FMNL2: variants seen among roughly 807,000 people sequenced by gnomAD.
The protein encoded by FMNL2 is formin-like protein 2.
In FMNL2, 51 loss-of-function variants were observed where a neutral mutation model predicts 130.2. The ratio of observed to expected loss-of-function variants is 0.39; its 90% CI spans 0.31 to 0.49. The LOEUF is 0.49. FMNL2 is among the 20% of genes least tolerant of loss of function. FMNL2 has a pLI of 0.85. For synonymous variants in FMNL2, 465 were observed against 467.1 expected (o/e 1.00, Z 0.06); for missense variants, 977 against 1,316.2 (o/e 0.74, Z 3.99).
intron 1 of FMNL2, among the ~76,000 whole-genome samples, chr2:152,366,456 T>A (rs923441905): frequency 1.9e-4 from 26 of 136,138 alleles, no homozygotes; most frequent in East Asian, 1.4e-3. Context: ...AAAAAATAAA[T>A]AAAATTTAAA....
At chr2:152,595,639 G>A (rs1329278446) in intron 9 of FMNL2, among the ~76,000 whole-genome samples, 3 of 152,080 alleles carry the variant, frequency 2.0e-5, no homozygotes, top group Non-Finnish European at 2.9e-5. Context: ...TGATATTATG[G>A]TGTCAGGCGT....
At chr2:152,369,774 G>C (rs571943379) in intron 1 of FMNL2, among the ~76,000 whole-genome samples, 4 of 152,342 alleles carry the variant, frequency 2.6e-5, no homozygotes, top group African/African-American at 9.6e-5. Flanking sequence ...TACTGCTGCT[G>C]TGTTTCCCGG....
intron 22 of FMNL2, 45 bp from the exon 23 acceptor site, chr2:152,637,528 A>T: frequency 6.6e-7 from 1 of 1,510,892 alleles, no homozygotes; most frequent in Non-Finnish European, 9.2e-7. Context: ...CATCCAGTTC[A>T]AATGCCTAAC....
chr2:152,438,493 C>T (rs1051690392), intron 1 of FMNL2, among the ~76,000 whole-genome samples: 2 of 152,188 alleles, frequency 1.3e-5, no homozygotes, highest in Non-Finnish European at 2.9e-5. Flanking sequence ...AGTGTTGTTA[C>T]GTCTTCAGAC....
At chr2:152,421,577 C>T (rs1344361175) in intron 1 of FMNL2, among the ~76,000 whole-genome samples, 2 of 152,158 alleles carry the variant, frequency 1.3e-5, no homozygotes, top group African/African-American at 4.8e-5. Flanking sequence ...TATTCTGCCT[C>T]CCAAAATCCT....
At chr2:152,610,992 G>A (rs1469435118) in intron 10 of FMNL2, among the ~76,000 whole-genome samples, 8 of 152,200 alleles carry the variant, frequency 5.3e-5, no homozygotes, top group Admixed American at 5.2e-4. Flanking sequence ...TGGGTGCGAA[G>A]TGGTGTCTTA....
At chr2:152,389,105 A>ATT (rs34284075) in intron 1 of FMNL2, among the ~76,000 whole-genome samples, 63 of 150,478 alleles carry the variant, frequency 4.2e-4, no homozygotes, top group Admixed American at 1.1e-3. Context: ...TGAAAGGAGC[A>ATT]TTTTTTTTTT....
At chr2:152,437,475 C>G (rs112147282) in intron 1 of FMNL2, among the ~76,000 whole-genome samples, 31 of 152,302 alleles carry the variant, frequency 2.0e-4, no homozygotes, top group African/African-American at 7.2e-4. Flanking sequence ...ATGCACCCCC[C>G]CTGCGGTGAA....
At chr2:152,339,700 A>G (rs1450104811) in intron 1 of FMNL2, among the ~76,000 whole-genome samples, 1 of 152,144 alleles carries the variant, frequency 6.6e-6, no homozygotes, top group Admixed American at 6.5e-5. Flanking sequence ...CTGCTTTGGT[A>G]TCTGATTAAT....
At chr2:152,339,212 C>T (rs1266785362) in intron 1 of FMNL2, among the ~76,000 whole-genome samples, 2 of 151,802 alleles carry the variant, frequency 1.3e-5, no homozygotes, top group African/African-American at 2.4e-5. Flanking sequence ...TTAAGCTCAT[C>T]GGCTATCGTT....
intron 1 of FMNL2, among the ~76,000 whole-genome samples, chr2:152,395,886 T>C (rs1488446200): frequency 1.4e-3 from 2 of 1,464 alleles, no homozygotes; most frequent in Non-Finnish European, 2.7e-3. Flanking sequence ...CGTAGAGTGG[T>C]GGGGGTGGGT....
chr2:152,398,005 A>T (rs934691206), intron 1 of FMNL2, among the ~76,000 whole-genome samples: 6 of 152,166 alleles, frequency 3.9e-5, no homozygotes, highest in Non-Finnish European at 8.8e-5. Flanking sequence ...GGTGCCTGTA[A>T]TCCCAGCCTT....
intron 2 of FMNL2, among the ~76,000 whole-genome samples, chr2:152,541,281 T>C (rs1219805546): frequency 6.6e-6 from 1 of 152,136 alleles, no homozygotes; most frequent in Non-Finnish European, 1.5e-5. Flanking sequence ...CTCAGTCTCC[T>C]GGATAGCTGG....
intron 1 of FMNL2, among the ~76,000 whole-genome samples, chr2:152,440,128 T>C (rs1687979259): frequency 6.6e-6 from 1 of 152,094 alleles, no homozygotes; most frequent in Non-Finnish European, 1.5e-5. Context: ...ATTATTATTT[T>C]ATTTTTGGTA....
intron 1 of FMNL2, among the ~76,000 whole-genome samples, chr2:152,472,247 G>A (rs1689899093): frequency 6.6e-6 from 1 of 152,096 alleles, no homozygotes. Flanking sequence ...GTACCTTGAG[G>A]TAGTACCTTC....
intron 1 of FMNL2, among the ~76,000 whole-genome samples, chr2:152,394,806 T>C (rs191868539): frequency 6.6e-6 from 1 of 151,920 alleles, no homozygotes; most frequent in East Asian, 1.9e-4. Flanking sequence ...CCATATAAGA[T>C]TGGACAAGAA....
rs374160133 is a variant in FMNL2 at position 152,335,417 on chromosome 2, G to C, written c.-187G>C. The C allele has an allele frequency of 9.6e-6, 3 of 311,020 alleles. No homozygotes were observed. The highest frequency in any genetic ancestry group is 1.1e-4 in the East Asian group (2 of 17,750). 19.3% of individuals were successfully genotyped at this position (311,020 alleles called of 1,614,324 possible). A position where few individuals can be genotyped will look rare whatever the true frequency, so the allele number is the denominator to read the frequency against. ...GGCGGCGGAGAGCATGAGGGAGGCC[G>C]GGGGGCGGCTCGGCTTGGAGCGCTG... On this transcript the variant is annotated 5_prime_UTR_variant, in exon 1 of 26. Transcript: ENST00000288670.
intron 1 of FMNL2, among the ~76,000 whole-genome samples, chr2:152,393,218 A>G (rs1427850512): frequency 6.6e-6 from 1 of 152,198 alleles, no homozygotes; most frequent in Non-Finnish European, 1.5e-5. Flanking sequence ...ACACTTTAAT[A>G]TGAGGAAACA....
chr2:152,335,398 G>T lies in FMNL2; in HGVS notation c.-206G>T. Reference sequence around the variant, plus strand: ...GAGGCCGGGGCCGCGCTGGGGCGGCGGAGAGCATGAGGGAGGCCGGGGGGC... The same window carrying T: ...GAGGCCGGGGCCGCGCTGGGGCGGCTGAGAGCATGAGGGAGGCCGGGGGGC... On this transcript the variant is annotated 5_prime_UTR_variant, in exon 1 of 26. Transcript: ENST00000288670. 1 of 290,058 alleles carries T rather than the reference G, an allele frequency of 3.4e-6. No individual in the cohort carries two copies. The highest frequency in any genetic ancestry group is 6.3e-6 in the Non-Finnish European group (1 of 159,432). The allele number at this position is 290,058 out of a possible 1,614,324, so 18.0% of individuals were successfully genotyped here.
Sources: gnomAD v4.1 joint callset for allele counts (sites outside exome capture counted in the v4.1 genomes callset) on GRCh38, gnomAD v4.1.1 for gene constraint, MANE v1.5 for transcripts, NCBI Gene and HGNC (gene_info 2026-07-23, HGNC 2026-07-21) for gene names.